Variants in TRIM65 observed in about 807,000 individuals in gnomAD.
TRIM65 encodes the protein E3 ubiquitin-protein ligase TRIM65.
In TRIM65, 46 loss-of-function variants were observed where a neutral mutation model predicts 36.1. That is an observed-to-expected ratio of 1.27 (90% confidence interval 1.01 to 1.63). TRIM65 has a LOEUF of 1.63. Ranked by LOEUF, TRIM65 falls within the 40% of genes most tolerant of loss-of-function variation. TRIM65 has a pLI of 0.00. For synonymous variants in TRIM65, 346 were observed against 313.6 expected, an observed-to-expected ratio of 1.10 and a Z score of -1.09; for missense variants, 708 against 696.6, an observed-to-expected ratio of 1.02 and a Z score of -0.18.
At position 75,892,205 on chromosome 17, in the gene TRIM65, A is replaced by G. The variant is rs752638969; in HGVS notation, c.745-20T>C. 1.9e-6 allele frequency: 3 copies of G among 1,579,976 alleles called. No homozygotes were observed. The highest frequency in any genetic ancestry group is 2.6e-6 in the Non-Finnish European group (3 of 1,162,648). ...CGATTCCTGAGCCCCAGGGAGAACA[A>G]GTAAGCCTGGGCCTGAGGGGCAGGG... On this transcript the variant is annotated intron_variant, in intron 3 of 5. Transcript: ENST00000269383.
At chr17:75,887,912 T>C (rs2065221003), downstream of TRIM65, among the ~76,000 whole-genome samples, 2 of 152,182 alleles carry the variant, frequency 1.3e-5, no homozygotes, top group African/African-American at 4.8e-5. Flanking sequence ...TCCCAGCACT[T>C]TGAGAGGCCA....
At position 75,891,843 on chromosome 17, in the gene TRIM65, C is replaced by T; in HGVS notation, c.955G>A (p.Val319Ile). The T allele has an allele frequency of 6.2e-7, 1 of 1,612,926 alleles. No homozygotes were observed. Among genetic ancestry groups the T allele is most frequent in the Non-Finnish European group, 8.5e-7 (1 of 1,179,404 alleles). ...CAGAGTTTCCTCCTCAGTGGACAAA[C>T]TGTGCTTGGGACCGGTGCCAGGGGA... The part of the protein sequence containing the change: ...PGPLAPVPST[V>I]CPLRRKLWQN... The change falls in exon 5 of 6, where the codon GTT becomes ATT. Residue 319 changes from valine to isoleucine, a missense_variant. By Grantham distance (29) the Val-to-Ile change is conservative. Transcript: ENST00000269383.
chr17:75,893,535 G>A (rs1164786230), intron 1 of TRIM65, among the ~76,000 whole-genome samples: 1 of 152,070 alleles, frequency 6.6e-6, no homozygotes, highest in Non-Finnish European at 1.5e-5. Flanking sequence ...GGTCCCAGGG[G>A]CTCCATTCCC....
intron 1 of TRIM65, among the ~76,000 whole-genome samples, chr17:75,895,699 C>T (rs1165142608): frequency 6.6e-6 from 1 of 152,260 alleles, no homozygotes; most frequent in African/African-American, 2.4e-5. Context: ...ACCCCAACCC[C>T]TCTATCACAT....
In TRIM65 at chr17:75,892,751, G is replaced by A. The variant is rs774354509; in HGVS notation, c.510+4C>T. The stretch of plus-strand genomic sequence containing the variant: ...TGGTGGGCGGGCAGGCACAGGCCTC[G>A]TACCTGGATCTGGCTGCTTTGCTTG... On this transcript the variant is annotated splice_donor_region_variant and intron_variant, in intron 2 of 5. Transcript: ENST00000269383. The A allele has an allele frequency of 3.7e-5, 59 of 1,602,608 alleles. No individual in the cohort carries two copies. The highest frequency in any genetic ancestry group is 4.9e-5 in the Non-Finnish European group (58 of 1,179,652).
chr17:75,891,896 G>A lies in TRIM65; in HGVS notation c.920-18C>T. 1 of 1,606,576 alleles carries A rather than the reference G, an allele frequency of 6.2e-7. No individual in the cohort carries two copies. Among genetic ancestry groups the A allele is most frequent in the Non-Finnish European group, 8.5e-7 (1 of 1,176,602 alleles). ...TGGGGCCTCTAGGGGGCAAAGCAGTGTTAAGGGAATGGTTGGAGAGGTCAC... is the reference window on the plus strand; with the variant it reads ...TGGGGCCTCTAGGGGGCAAAGCAGTATTAAGGGAATGGTTGGAGAGGTCAC... On this transcript the variant is annotated intron_variant, in intron 4 of 5. Coordinates refer to ENST00000269383, the MANE Select transcript of TRIM65 (RefSeq NM_173547.4).
chr17:75,893,513 ACAAACCACGCAGGTCCCAGGGGCT>A (rs2144084816), intron 1 of TRIM65, among the ~76,000 whole-genome samples: 1 of 152,234 alleles, frequency 6.6e-6, no homozygotes, highest in South Asian at 2.1e-4. Flanking sequence ...TGAGAGCAGG[ACAAACCACGCAGGTCCCAGGGGCT>A]CCATTCCCAG....
In TRIM65 at chr17:75,891,100, G is replaced by A. The variant is rs2065258580; in HGVS notation, c.1233C>T (p.Pro411=). The A allele has an allele frequency of 1.2e-6, 2 of 1,610,106 alleles. No homozygotes were observed. Among genetic ancestry groups the A allele is most frequent in the Non-Finnish European group, 1.7e-6 (2 of 1,179,870 alleles). ...GTCCCCGGCCAATGTTGTCTGTGTG[G>A]GGCCCCAGCCTGCACCGTGGCAGTT... is the stretch of plus-strand genomic sequence containing the variant. ...YPQLPRCRLG[P]HTDNIGRGPC... Residue 411 remains proline, a synonymous_variant, in exon 6 of 6, where the codon CCC becomes CCT. Coordinates refer to ENST00000269383, the MANE Select transcript of TRIM65 (RefSeq NM_173547.4).
At chr17:75,892,968 AGG>A (rs2065294759) in intron 1 of TRIM65, 118 bp from the exon 2 acceptor site, 2 of 843,110 alleles carry the variant, frequency 2.4e-6, no homozygotes, top group Non-Finnish European at 1.9e-6. Flanking sequence ...ACGCCACCCC[AGG>A]CCAGCCTCCA....
chr17:75,883,676 T>C (rs561820239), intron 4 of TRIM65, among the ~76,000 whole-genome samples: 60 of 151,748 alleles, frequency 4.0e-4, no homozygotes, highest in Non-Finnish European at 5.3e-4. Flanking sequence ...TACAGGTGCC[T>C]GCCACCACGC....
rs2065355470 is a variant in TRIM65 at position 75,896,769 on chromosome 17, C to A, written c.169G>T (p.Gly57Cys). The A allele has an allele frequency of 1.3e-6, 2 of 1,494,914 alleles. No homozygotes were observed. The highest frequency in any genetic ancestry group is 1.8e-6 in the Non-Finnish European group (2 of 1,126,962). The allele number at this position is 1,494,914 out of a possible 1,614,324, so 92.6% of individuals were successfully genotyped here. ...GCCACGTTGCGGCGCAGCTCGGCGC[C>A]GTCGGGAAAGGGCTCCCGGCACTCG... ...CPECREPFPD[G>C]AELRRNVALS... The change falls in exon 1 of 6, where the codon GGC (glycine) becomes TGC (cysteine). Residue 57 changes from glycine (G) to cysteine (C), a missense_variant. Gly to Cys is a radical substitution (Grantham distance 159, BLOSUM62 -3). Transcript: ENST00000269383.
At chr17:75,880,964 T>C (rs185647507) in intron 4 of TRIM65, among the ~76,000 whole-genome samples, 1 of 150,290 alleles carries the variant, frequency 6.7e-6, no homozygotes, top group East Asian at 1.9e-4. Flanking sequence ...AGCACAAATG[T>C]GCCGGGTGTG....
chr17:75,888,867 C>T (rs56018637), downstream of TRIM65: 42,987 of 151,584 alleles, frequency 0.28, 7,060 homozygotes, highest in African/African-American at 0.46. Flanking sequence ...GCTGCAATGA[C>T]GGCAGTGATC....
At chr17:75,887,738 G>C (rs896773321), downstream of TRIM65, among the ~76,000 whole-genome samples, 5 of 152,154 alleles carry the variant, frequency 3.3e-5, no homozygotes, top group Admixed American at 2.0e-4. Context: ...AGAAAAGAGG[G>C]GGGCCGGACA....
At position 75,883,102 on chromosome 17, in the gene TRIM65, C is replaced by T. The variant is rs769945395; in HGVS notation, c.350-2473G>A. The stretch of plus-strand genomic sequence containing the variant: ...GATCCAAACACCATGTCCCTAACAG[C>T]ACTTCCTTTTCTTTATGCTTTTTTT... On this transcript the variant is annotated intron_variant, in intron 4 of 4. Coordinates refer to the TRIM65 transcript ENST00000591668. Among the ~76,000 whole-genome samples, 32 of 149,114 alleles carry T rather than the reference C, an allele frequency of 2.1e-4. 1 individual carries two copies. Among genetic ancestry groups the T allele is most frequent in the Non-Finnish European group, 3.5e-4 (24 of 67,828 alleles).
Position 75,892,805 on chromosome 17 carries a change from G to C in TRIM65, c.460C>G (p.Gln154Glu). 6.2e-7 allele frequency: 1 copy of C among 1,604,286 alleles called. No individual in the cohort carries two copies. The highest frequency in any genetic ancestry group is 1.1e-5 in the South Asian group (1 of 91,056). Residue 154 changes from glutamine to glutamate, a missense_variant, in exon 2 of 6, where the codon CAG (glutamine) becomes GAG (glutamate). Physicochemically the swap from Gln to Glu is conservative, Grantham distance 29. Coordinates refer to ENST00000269383, the MANE Select transcript of TRIM65 (RefSeq NM_173547.4). The part of the protein sequence containing the change: ...SLEVTQQQAT[Q>E]AEGQLLELRK... ...AGCTCTAGTAGCTGGCCTTCGGCCT[G>C]GGTGGCCTGCTGCTGGGTAACCTCC... is the stretch of plus-strand genomic sequence containing the variant.
At chr17:75,895,284 T>C (rs2065330134) in intron 1 of TRIM65, among the ~76,000 whole-genome samples, 1 of 152,088 alleles carries the variant, frequency 6.6e-6, no homozygotes, top group South Asian at 2.1e-4. Context: ...AGCTGGTTCT[T>C]TGCCTCCCTG....
In TRIM65 at chr17:75,891,254, C is replaced by G; in HGVS notation, c.1079G>C (p.Arg360Pro). ...DQQVKHCRQS[R>P]GPGGPGSFEL... is the part of the protein sequence containing the mutation. ...AAAGCTGCCGGGCCCGCCTGGGCCC[C>G]GGGACTGACGACAGTGCTTCACCTG... is the stretch of plus-strand genomic sequence containing the variant. Residue 360 changes from arginine to proline, a missense_variant, in exon 6 of 6, where the codon CGG (arginine) becomes CCG (proline). By Grantham distance (103) the Arg-to-Pro change is moderately radical. Coordinates refer to ENST00000269383, the MANE Select transcript of TRIM65 (RefSeq NM_173547.4). 6.2e-7 allele frequency: 1 copy of G among 1,613,240 alleles called. No individual in the cohort carries two copies. Among genetic ancestry groups the G allele is most frequent in the South Asian group, 1.1e-5 (1 of 91,088 alleles).
At chr17:75,894,494 C>T (rs916577052) in intron 1 of TRIM65, among the ~76,000 whole-genome samples, 6 of 152,230 alleles carry the variant, frequency 3.9e-5, no homozygotes, top group East Asian at 1.9e-4. Context: ...GCCATTCCCC[C>T]GACCTTCCCC....
Sources: gnomAD v4.1 joint callset for allele counts (sites outside exome capture counted in the v4.1 genomes callset) on GRCh38, gnomAD v4.1.1 for gene constraint, MANE v1.5 for transcripts, NCBI Gene and HGNC (gene_info 2026-07-23, HGNC 2026-07-21) for gene names.